Variants in JPH4 observed in about 807,000 individuals in gnomAD.
JPH4 encodes junctophilin 4.
In JPH4, 18 loss-of-function variants were observed where a neutral mutation model predicts 57.6. The observed-to-expected ratio is 0.31, with a 90% CI of 0.22 to 0.46. The LOEUF (loss-of-function observed/expected upper bound fraction) is 0.46. JPH4 is among the 20% of genes least tolerant of loss of function. The pLI is 1.00. For synonymous variants in JPH4, 425 were observed against 406.6 expected (o/e 1.05, Z -0.54); for missense variants, 727 against 911.1 (o/e 0.80, Z 2.60).
At chr14:23,574,024 T>C (rs1889213983) in intron 3 of JPH4, among the ~76,000 whole-genome samples, 1 of 152,102 alleles carries the variant, frequency 6.6e-6, no homozygotes, top group Non-Finnish European at 1.5e-5. Flanking sequence ...TTTGGACATA[T>C]CCTGATCTCT....
At position 23,576,366 on chromosome 14, in the gene JPH4, G is replaced by A. The variant is rs1156585543; in HGVS notation, c.470C>T (p.Ser157Leu). 5 of 1,340,962 alleles carry A rather than the reference G, an allele frequency of 3.7e-6. No homozygotes were observed. The highest frequency in any genetic ancestry group is 4.8e-6 in the Non-Finnish European group (5 of 1,050,506). The allele number at this position is 1,340,962 out of a possible 1,614,324, so 83.1% of individuals were successfully genotyped here. A position where few individuals can be genotyped will look rare whatever the true frequency, so the allele number is the denominator to read the frequency against. The change falls in exon 3 of 6, where the codon TCG (serine) becomes TTG (leucine). Residue 157 changes from serine (S) to leucine (L), a missense_variant. Around this residue, in one of 7 missense-constraint regions of JPH4, gnomAD observed 6 missense variants for 22.4 expected, o/e 0.27. Coordinates refer to ENST00000356300, the MANE Select transcript of JPH4 (RefSeq NM_001146028.2). This position sits in a 1 kb window ranked among gnomAD's most constrained non-coding sequence, Gnocchi z 8.0. ...GGAATCCAGGGAGGTGCGGCGGGGC[G>A]AGCGCAGCAGCGCCGCCTGATGGTA... ...VPYHQAALLRSPRRTSLDSGH... is the reference protein window; with the variant it reads ...VPYHQAALLRLPRRTSLDSGH...
At position 23,575,983 on chromosome 14, in the gene JPH4, C is replaced by A; in HGVS notation, c.853G>T (p.Glu285Ter). 6.6e-7 allele frequency: 1 copy of A among 1,512,740 alleles called. No individual in the cohort carries two copies. The highest frequency in any genetic ancestry group is 2.4e-5 in the East Asian group (1 of 41,412). The allele number at this position is 1,512,740 out of a possible 1,614,324, so 93.7% of individuals were successfully genotyped here. ...EGSATEVYAG[E>*]WRADRRSGFG... ...CCGCTGCGCCGATCTGCGCGCCACT[C>A]GCCCGCGTACACCTCTGTGGCCGAG... Residue 285 changes from glutamate (E) to a stop codon, truncating the protein, a stop_gained, in exon 3 of 6, where the codon GAG (glutamate) becomes TAG (stop). Coordinates refer to ENST00000356300, the MANE Select transcript of JPH4 (RefSeq NM_001146028.2). LOFTEE classifies it high-confidence loss of function. The surrounding 1 kb of genome is among the most constrained non-coding windows in gnomAD (Gnocchi z 6.9).
At position 23,568,773 on chromosome 14, in the gene JPH4, A is replaced by ACAAGTG. The variant is rs1438863759; in HGVS notation, c.*855_*860dup. The ACAAGTG allele has an allele frequency of 2.0e-6, 2 of 985,638 alleles. No homozygotes were observed. Among genetic ancestry groups the ACAAGTG allele is most frequent in the Non-Finnish European group, 2.4e-6 (2 of 829,960 alleles). The allele number at this position is 985,638 out of a possible 1,614,324, so 61.1% of individuals were successfully genotyped here. A position where few individuals can be genotyped will look rare whatever the true frequency, so the allele number is the denominator to read the frequency against. Reference sequence around the variant, plus strand: ...CCCCTTAGGAATTTAATCAAAGGCCACAAGTGAGTCCAGACCAACCAAATA... The same window carrying ACAAGTG: ...CCCCTTAGGAATTTAATCAAAGGCCACAAGTGCAAGTGAGTCCAGACCAACCAAATA... On this transcript the variant is annotated 3_prime_UTR_variant, in exon 6 of 6. Transcript: ENST00000356300.
chr14:23,576,012 T>C lies in JPH4; in HGVS notation c.824A>G (p.Glu275Gly). Residue 275 changes from glutamate to glycine, a missense_variant, in exon 3 of 6, where the codon GAG (glutamate) becomes GGG (glycine). Coordinates refer to ENST00000356300, the MANE Select transcript of JPH4 (RefSeq NM_001146028.2). This position sits in a 1 kb window ranked among gnomAD's most constrained non-coding sequence, Gnocchi z 8.0. ...PPAAAPPALI[E>G]GSATEVYAGE... ...CGCGTACACCTCTGTGGCCGAGCCCTCGATGAGGGCGGGCGGCGCTGCGGC... is the reference window on the plus strand; with the variant it reads ...CGCGTACACCTCTGTGGCCGAGCCCCCGATGAGGGCGGGCGGCGCTGCGGC... 7.1e-7 allele frequency: 1 copy of C among 1,413,164 alleles called. No homozygotes were observed. The highest frequency in any genetic ancestry group is 9.2e-7 in the Non-Finnish European group (1 of 1,091,878). 87.5% of individuals were successfully genotyped at this position (1,413,164 alleles called of 1,614,324 possible). A position where few individuals can be genotyped will look rare whatever the true frequency, so the allele number is the denominator to read the frequency against.
chr14:23,576,011 C>T lies in JPH4; in HGVS notation c.825G>A (p.Glu275=). Residue 275 remains glutamate (E), a synonymous_variant, in exon 3 of 6, where the codon GAG becomes GAA. Transcript: ENST00000356300. The surrounding 1 kb of genome is among the most constrained non-coding windows in gnomAD (Gnocchi z 8.0). ...CCGCGTACACCTCTGTGGCCGAGCC[C>T]TCGATGAGGGCGGGCGGCGCTGCGG... The part of the protein sequence containing the change: ...PPAAAPPALI[E]GSATEVYAGE... The T allele has an allele frequency of 7.1e-7, 1 of 1,416,832 alleles. No homozygotes were observed. Among genetic ancestry groups the T allele is most frequent in the Non-Finnish European group, 9.1e-7 (1 of 1,093,820 alleles). The allele number at this position is 1,416,832 out of a possible 1,614,324, so 87.8% of individuals were successfully genotyped here.
intron 5 of JPH4, among the ~76,000 whole-genome samples, chr14:23,570,507 G>T (rs935877092): frequency 6.6e-6 from 1 of 151,938 alleles, no homozygotes; most frequent in Admixed American, 6.6e-5. Flanking sequence ...AAGTAGCTGG[G>T]ACTACAGGCG....
chr14:23,576,504 G>A lies in JPH4; in HGVS notation c.380-48C>T. The A allele has an allele frequency of 7.4e-7, 1 of 1,342,692 alleles. No homozygotes were observed. 83.2% of individuals were successfully genotyped at this position (1,342,692 alleles called of 1,614,324 possible). A position where few individuals can be genotyped will look rare whatever the true frequency, so the allele number is the denominator to read the frequency against. ...AGAAAGAGTCAGGACGTGCCGCTGG[G>A]CTCCTTGCGCCCCAAGTCCCAAGCG... On this transcript the variant is annotated intron_variant, in intron 2 of 5. Transcript: ENST00000356300. The surrounding 1 kb of genome is among the most constrained non-coding windows in gnomAD (Gnocchi z 8.0).
rs1166255951 is a variant in JPH4 at position 23,576,577 on chromosome 14, T to G, written c.380-121A>C. 4.6e-6 allele frequency: 4 copies of G among 864,856 alleles called. No individual in the cohort carries two copies. In the East Asian group the frequency reaches 1.3e-4, roughly 29 times the overall value. 53.6% of individuals were successfully genotyped at this position (864,856 alleles called of 1,614,324 possible). On this transcript the variant is annotated intron_variant, in intron 2 of 5. Transcript: ENST00000356300. This position sits in a 1 kb window ranked among gnomAD's most constrained non-coding sequence, Gnocchi z 8.0. ...GCGGGAGAGATGGAGGCAGTTAGTG[T>G]GGAGGTCGGGGAAGGGCACTGGGAG... is the stretch of plus-strand genomic sequence containing the variant.
At position 23,575,439 on chromosome 14, in the gene JPH4, G is replaced by C; in HGVS notation, c.1151+246C>G. 1 of 559,958 alleles carries C rather than the reference G, an allele frequency of 1.8e-6. No homozygotes were observed. Among genetic ancestry groups the C allele is most frequent in the East Asian group, 2.9e-5 (1 of 34,444 alleles). 34.7% of individuals were successfully genotyped at this position (559,958 alleles called of 1,614,324 possible). A position where few individuals can be genotyped will look rare whatever the true frequency, so the allele number is the denominator to read the frequency against. ...CATGCATCTCCACACAAAAGACACC[G>C]AGACACATTTACAGTCTTACACCAT... On this transcript the variant is annotated intron_variant, in intron 3 of 5. Transcript: ENST00000356300. The surrounding 1 kb of genome is among the most constrained non-coding windows in gnomAD (Gnocchi z 6.9).
chr14:23,568,467 C>A lies in JPH4; in HGVS notation c.*1167G>T. On this transcript the variant is annotated 3_prime_UTR_variant, in exon 6 of 6. Coordinates refer to ENST00000356300, the MANE Select transcript of JPH4 (RefSeq NM_001146028.2). The stretch of plus-strand genomic sequence containing the variant: ...CCCACCTGTCACCCGGGTTTGACTC[C>A]CACCTCTGCCCTGCCTGGGAAGCAT... 3.0e-6 allele frequency: 3 copies of A among 985,732 alleles called. No individual in the cohort carries two copies. Among genetic ancestry groups the A allele is most frequent in the Non-Finnish European group, 3.6e-6 (3 of 829,968 alleles). The allele number at this position is 985,732 out of a possible 1,614,324, so 61.1% of individuals were successfully genotyped here.
In JPH4 at chr14:23,571,314, G is replaced by A. The variant is rs765180291; in HGVS notation, c.1417C>T (p.Pro473Ser). 4.4e-6 allele frequency: 7 copies of A among 1,595,970 alleles called. No individual in the cohort carries two copies. The South Asian group carries it at 6.7e-5, about 15-fold the overall frequency. The stretch of plus-strand genomic sequence containing the variant: ...GGCAGTGGGCTCCGGCAGGCAGGGG[G>A]TCGCCAGGGTTGGCGGGAGGAGGCA... ...SPASSRQPWR[P>S]PACRSPLPPG... The change falls in exon 5 of 6, where the codon CCC becomes TCC. Residue 473 changes from proline to serine, a missense_variant. Transcript: ENST00000356300. The surrounding 1 kb of genome is among the most constrained non-coding windows in gnomAD (Gnocchi z 4.6).
At chr14:23,570,161 C>T (rs574243387) in intron 5 of JPH4, among the ~76,000 whole-genome samples, 273 of 150,548 alleles carry the variant, frequency 1.8e-3, no homozygotes, top group Middle Eastern at 3.4e-3. Flanking sequence ...TCTATTTCAA[C>T]TTCTTCCCGG....
At chr14:23,573,970 G>A (rs8009474) in intron 3 of JPH4, among the ~76,000 whole-genome samples, 148 of 129,146 alleles carry the variant, frequency 1.1e-3, no homozygotes, top group African/African-American at 4.4e-3. Context: ...ACACACACAC[G>A]CACTCTCACT....
In JPH4 at chr14:23,568,732, A is replaced by C. The variant is rs1888927314; in HGVS notation, c.*902T>G. On this transcript the variant is annotated 3_prime_UTR_variant, in exon 6 of 6. Coordinates refer to ENST00000356300, the MANE Select transcript of JPH4 (RefSeq NM_001146028.2). ...AAGTGCCTCTAACCCTCTGCAGTAG[A>C]AATGTCTTCTTCAGGCCCCTTAGGA... is the stretch of plus-strand genomic sequence containing the variant. The C allele has an allele frequency of 2.0e-6, 2 of 985,800 alleles. No individual in the cohort carries two copies. The highest frequency in any genetic ancestry group is 2.4e-6 in the Non-Finnish European group (2 of 830,002). The allele number at this position is 985,800 out of a possible 1,614,324, so 61.1% of individuals were successfully genotyped here.
Position 23,577,111 on chromosome 14 carries a change from G to T in JPH4, c.343C>A (p.Gln115Lys), listed in dbSNP as rs1889294137. The T allele has an allele frequency of 6.4e-7, 1 of 1,566,416 alleles. No individual in the cohort carries two copies. The highest frequency in any genetic ancestry group is 2.3e-5 in the East Asian group (1 of 42,662). ...TAGGTCTCAGTGCCGTAGCCGTCCT[G>T]GAAACCGTCCTTCCAGAGCCCGGCG... ...RYAGLWKDGF[Q>K]DGYGTETYSD... Residue 115 changes from glutamine to lysine, a missense_variant, in exon 2 of 6, where the codon CAG becomes AAG. Transcript: ENST00000356300. This position sits in a 1 kb window ranked among gnomAD's most constrained non-coding sequence, Gnocchi z 8.4.
chr14:23,576,257 G>A lies in JPH4; in HGVS notation c.579C>T (p.Gly193=). The change falls in exon 3 of 6, where the codon GGC becomes GGT. Residue 193 remains glycine, a synonymous_variant. Coordinates refer to ENST00000356300, the MANE Select transcript of JPH4 (RefSeq NM_001146028.2). The surrounding 1 kb of genome is among the most constrained non-coding windows in gnomAD (Gnocchi z 8.0). ...EGGSPASGSR[G]GFVLAGPGDA... Reference sequence around the variant, plus strand: ...CCCCGGGCCCGGCCAGCACGAAGCCGCCCCGGGAGCCCGAGGCGGGGCTGC... The same window carrying A: ...CCCCGGGCCCGGCCAGCACGAAGCCACCCCGGGAGCCCGAGGCGGGGCTGC... 5 of 1,268,444 alleles carry A rather than the reference G, an allele frequency of 3.9e-6. No individual in the cohort carries two copies. The highest frequency in any genetic ancestry group is 5.0e-6 in the Non-Finnish European group (5 of 1,008,980). 78.6% of individuals were successfully genotyped at this position (1,268,444 alleles called of 1,614,324 possible).
rs1255023439 is a variant in JPH4 at position 23,576,323 on chromosome 14, CG to C, written c.512del (p.Pro171ArgfsTer78). ...TSLDSGHSDP[P>X]TPPPPLPLPG... Reference sequence around the variant, plus strand: ...GCAAGGGCAGGGGCGGGGGTGGCGTCGGGGGGTCGCTGTGGCCGGAATCCAG... The same window carrying C: ...GCAAGGGCAGGGGCGGGGGTGGCGTCGGGGGTCGCTGTGGCCGGAATCCAG... On this transcript the variant is annotated frameshift_variant, in exon 3 of 6. Transcript: ENST00000356300. LOFTEE classifies it high-confidence loss of function. The surrounding 1 kb of genome is among the most constrained non-coding windows in gnomAD (Gnocchi z 8.0). 1.0e-5 allele frequency: 13 copies of C among 1,290,800 alleles called. No individual in the cohort carries two copies. The highest frequency in any genetic ancestry group is 4.8e-5 in the South Asian group (2 of 41,262). The allele number at this position is 1,290,800 out of a possible 1,614,324, so 80.0% of individuals were successfully genotyped here.
intron 1 of JPH4, 147 bp downstream of exon 1, chr14:23,578,033 G>A (rs986433547): frequency 6.7e-6 from 1 of 148,240 alleles, no homozygotes; most frequent in African/African-American, 2.6e-5. Context: ...AATATGTAGC[G>A]GGGAGATCGG....
chr14:23,575,412 G>C lies in JPH4; in HGVS notation c.1151+273C>G. On this transcript the variant is annotated intron_variant, in intron 3 of 5. Transcript: ENST00000356300. This position sits in a 1 kb window ranked among gnomAD's most constrained non-coding sequence, Gnocchi z 6.9. ...CCCACACACAACAATGGATTCCATA[G>C]ACATGCATCTCCACACAAAAGACAC... 1.8e-6 allele frequency: 1 copy of C among 550,326 alleles called. No individual in the cohort carries two copies. The highest frequency in any genetic ancestry group is 2.9e-5 in the East Asian group (1 of 33,922). 34.1% of individuals were successfully genotyped at this position (550,326 alleles called of 1,614,324 possible). A position where few individuals can be genotyped will look rare whatever the true frequency, so the allele number is the denominator to read the frequency against.
Sources: gnomAD v4.1 joint callset for allele counts (sites outside exome capture counted in the v4.1 genomes callset) on GRCh38, gnomAD v4.1.1 for gene constraint, gnomAD v4.1.1 regional missense constraint, Gnocchi (gnomAD v3.1) non-coding constraint, MANE v1.5 for transcripts, NCBI Gene and HGNC (gene_info 2026-07-23, HGNC 2026-07-21) for gene names.